OXR1: variants seen among roughly 807,000 people sequenced by gnomAD.
OXR1 encodes the protein oxidation resistance protein 1.
In OXR1, 41 loss-of-function variants were observed where a neutral mutation model predicts 104.6. That is an observed-to-expected ratio of 0.39 (90% confidence interval 0.31 to 0.51). The LOEUF is 0.51. Ranked by LOEUF, OXR1 falls within the 20% of genes least tolerant of loss-of-function variation. The pLI, the probability that OXR1 is intolerant of heterozygous loss-of-function variation, is 0.77. For missense variants in OXR1, 955 were observed against 1,031.9 expected, an observed-to-expected ratio of 0.93 and a Z score of 1.02; for synonymous variants, 348 against 348.4, an observed-to-expected ratio of 1.00 and a Z score of 0.01.
chr8:106,493,933 G>A (rs1273014461), intron 2 of OXR1, among the ~76,000 whole-genome samples: 2 of 152,112 alleles, frequency 1.3e-5, no homozygotes, highest in Non-Finnish European at 2.9e-5. Flanking sequence ...AGTTTACATG[G>A]TCTTGACTAA....
chr8:106,568,973 A>G (rs1007455534), intron 3 of OXR1, among the ~76,000 whole-genome samples: 4 of 152,112 alleles, frequency 2.6e-5, no homozygotes, highest in African/African-American at 9.7e-5. Context: ...TGTTCTATAA[A>G]GGCTGGGGTG....
intron 1 of OXR1, among the ~76,000 whole-genome samples, chr8:106,290,457 C>T (rs753686518): frequency 2.0e-5 from 3 of 151,888 alleles, no homozygotes; most frequent in African/African-American, 4.8e-5. Flanking sequence ...CAAGTGGGAC[C>T]GAATTAAAGA....
At chr8:106,584,786 A>G (rs928110176) in intron 3 of OXR1, among the ~76,000 whole-genome samples, 3 of 152,140 alleles carry the variant, frequency 2.0e-5, no homozygotes, top group African/African-American at 7.2e-5. Flanking sequence ...GGAGATATCC[A>G]TAAGGAAGAA....
Position 106,713,834 on chromosome 8 carries a change from T to C in OXR1, c.1805T>C (p.Leu602Ser), listed in dbSNP as rs1242458542. 6.4e-7 allele frequency: 1 copy of C among 1,565,154 alleles called. No individual in the cohort carries two copies. The highest frequency in any genetic ancestry group is 8.6e-7 in the Non-Finnish European group (1 of 1,164,604). The change falls in exon 11 of 17, where the codon TTG becomes TCG. Residue 602 changes from leucine (L) to serine (S), a missense_variant. Coordinates refer to ENST00000517566, the MANE Select transcript of OXR1 (RefSeq NM_001198533.2). ...ACTTCTCCTAACAGGACAGATCACT[T>C]GTATGCCTTCTTCATTCAGTGGAGT... Reference protein sequence around the residue: ...FAVPQERTDHLYAFFIQWSPE... With the variant: ...FAVPQERTDHSYAFFIQWSPE...
At chr8:106,732,879 G>A (rs1268482737) in intron 11 of OXR1, among the ~76,000 whole-genome samples, 1 of 152,056 alleles carries the variant, frequency 6.6e-6, no homozygotes, top group African/African-American at 2.4e-5. Flanking sequence ...TTAGAGTAAT[G>A]CTGTCCTCAC....
chr8:106,578,818 T>C (rs1412975503), intron 3 of OXR1, among the ~76,000 whole-genome samples: 1 of 152,166 alleles, frequency 6.6e-6, no homozygotes. Flanking sequence ...GGTTATATAT[T>C]CATCAGCTCA....
At chr8:106,643,151 T>C (rs1372908225) in intron 3 of OXR1, among the ~76,000 whole-genome samples, 1 of 152,198 alleles carries the variant, frequency 6.6e-6, no homozygotes, top group Non-Finnish European at 1.5e-5. Context: ...AGAATCAAAA[T>C]GATCCCAACA....
At chr8:106,386,615 T>G (rs1250348426) in intron 2 of OXR1, among the ~76,000 whole-genome samples, 1 of 152,122 alleles carries the variant, frequency 6.6e-6, no homozygotes, top group Non-Finnish European at 1.5e-5. Flanking sequence ...CTTGTCTTTG[T>G]TTTTCTTCTC....
At chr8:106,374,607 T>C (rs1045336707) in intron 2 of OXR1, among the ~76,000 whole-genome samples, 20 of 152,232 alleles carry the variant, frequency 1.3e-4, no homozygotes, top group Admixed American at 3.9e-4. Context: ...CTATTAATTA[T>C]AGATACAAGG....
chr8:106,505,460 A>G (rs1812097933), intron 2 of OXR1, among the ~76,000 whole-genome samples: 1 of 152,218 alleles, frequency 6.6e-6, no homozygotes, highest in Non-Finnish European at 1.5e-5. Context: ...TAATGAAATG[A>G]GAGAGACAGA....
At chr8:106,643,296 T>G (rs891559780) in intron 3 of OXR1, among the ~76,000 whole-genome samples, 1 of 152,056 alleles carries the variant, frequency 6.6e-6, no homozygotes, top group Non-Finnish European at 1.5e-5. Flanking sequence ...AGACAATACA[T>G]AAATGAATGG....
chr8:106,667,553 T>C (rs894361845), intron 3 of OXR1, among the ~76,000 whole-genome samples: 1 of 152,148 alleles, frequency 6.6e-6, no homozygotes, highest in African/African-American at 2.4e-5. Flanking sequence ...GAGAGAAAGA[T>C]GCTGAAGATA....
chr8:106,632,961 T>A (rs1394611134), intron 3 of OXR1, among the ~76,000 whole-genome samples: 1 of 145,482 alleles, frequency 6.9e-6, no homozygotes, highest in Non-Finnish European at 1.5e-5. Flanking sequence ...ACCGGCCGGG[T>A]GCGGTGGCTC....
intron 2 of OXR1, among the ~76,000 whole-genome samples, chr8:106,404,779 C>G (rs567525061): frequency 6.6e-6 from 1 of 152,076 alleles, no homozygotes; most frequent in Non-Finnish European, 1.5e-5. Context: ...AATCTTGGCT[C>G]ACTGCAAGCT....
At chr8:106,329,541 G>T (rs1446006795) in intron 1 of OXR1, among the ~76,000 whole-genome samples, 1 of 151,988 alleles carries the variant, frequency 6.6e-6, no homozygotes, top group Non-Finnish European at 1.5e-5. Flanking sequence ...TAAAGACGGG[G>T]TTTCACCGTG....
intron 2 of OXR1, among the ~76,000 whole-genome samples, chr8:106,440,879 A>C (rs533654127): frequency 6.6e-6 from 1 of 152,234 alleles, no homozygotes; most frequent in East Asian, 1.9e-4. Context: ...GTGTATTCCT[A>C]GGTTAAATGT....
At chr8:106,564,932 C>G (rs1341256848) in intron 3 of OXR1, among the ~76,000 whole-genome samples, 2 of 152,170 alleles carry the variant, frequency 1.3e-5, no homozygotes, top group African/African-American at 4.8e-5. Flanking sequence ...ATTCAACACA[C>G]CTTCATGCTA....
intron 1 of OXR1, among the ~76,000 whole-genome samples, chr8:106,280,723 A>G (rs952632248): frequency 6.6e-6 from 1 of 152,316 alleles, no homozygotes; most frequent in East Asian, 1.9e-4. Context: ...AACGGTTCAC[A>G]TGGTAAATGT....
intron 3 of OXR1, among the ~76,000 whole-genome samples, chr8:106,594,898 T>C: frequency 6.6e-6 from 1 of 152,044 alleles, no homozygotes; most frequent in South Asian, 2.1e-4. Flanking sequence ...TTGTTGGAAC[T>C]GGAAAGTATC....
Sources: allele counts gnomAD v4.1 joint callset (sites outside exome capture counted in the v4.1 genomes callset), GRCh38; gene constraint gnomAD v4.1.1; transcripts MANE v1.5; gene names NCBI Gene and HGNC (gene_info 2026-07-23, HGNC 2026-07-21).